The following CEP164 variants were observed in gnomAD, a reference collection of about 807,000 sequenced individuals.
CEP164 encodes centrosomal protein 164, also known as centrosomal protein of 164 kDa.
CEP164 carries 162 observed loss-of-function variants against 182.7 expected under a neutral mutation model. The ratio of observed to expected loss-of-function variants is 0.89; its 90% confidence interval spans 0.78 to 1.01. The LOEUF (loss-of-function observed/expected upper bound fraction) is 1.01, where lower values mean the gene tolerates loss of function less well. Ranked by LOEUF, CEP164 falls within the 50% of genes least tolerant of loss-of-function variation. The pLI, the probability that CEP164 is intolerant of heterozygous loss-of-function variation, is 0.00. For missense variants in CEP164, 1,735 were observed against 1,790.4 expected, an observed-to-expected ratio of 0.97 and a Z score of 0.56; for synonymous variants, 661 against 690.0, an observed-to-expected ratio of 0.96 and a Z score of 0.66.
Position 117,367,225 on chromosome 11 carries a change from A to G in CEP164, c.765+3719A>G, listed in dbSNP as rs1318783517. On this transcript the variant is annotated intron_variant, in intron 8 of 32. Transcript: ENST00000278935. ...TCATGGAGTTGGATGGCTTCTCCAG[A>G]CACTCAGCTCATGTACATCCATTTG... Among the ~76,000 whole-genome samples, 5 of 152,210 alleles carry G rather than the reference A, an allele frequency of 3.3e-5. No individual in the cohort carries two copies. The South Asian group carries it at 8.3e-4, about 25-fold the overall frequency.
chr11:117,403,307 C>T (rs1394970739), intron 27 of CEP164, among the ~76,000 whole-genome samples: 2 of 152,160 alleles, frequency 1.3e-5, no homozygotes, highest in Admixed American at 6.5e-5. Context: ...TGGCTGGTAG[C>T]GGTTGTTCCT....
At chr11:117,356,026 C>T in intron 5 of CEP164, 19 of 1,138,666 alleles carry the variant, frequency 1.7e-5, no homozygotes, top group Non-Finnish European at 2.1e-5. Context: ...GCAGCAACAG[C>T]AACCTGGCCT....
rs150785839 is a variant in CEP164 at position 117,392,267 on chromosome 11, G to A, written c.2325G>A (p.Glu775=). The change falls in exon 18 of 33, where the codon GAG becomes GAA. Residue 775 remains glutamate, a synonymous_variant. Transcript: ENST00000278935. ...AGAAGGAGCACAGTGCTGAGCTGGA[G>A]CGGCTCTGCTCCTCATTGGAGGCCA... is the stretch of plus-strand genomic sequence containing the variant. ...TLEKEHSAEL[E]RLCSSLEAKH... The A allele has an allele frequency of 6.2e-7, 1 of 1,611,868 alleles. No homozygotes were observed. Among genetic ancestry groups the A allele is most frequent in the African/African-American group, 1.3e-5 (1 of 74,932 alleles).
upstream of CEP164, among the ~76,000 whole-genome samples, chr11:117,325,545 C>T (rs2035398486): frequency 6.6e-6 from 1 of 152,096 alleles, no homozygotes; most frequent in African/African-American, 2.4e-5. Context: ...GCCACCACAA[C>T]CAGCTAACTT....
Position 117,411,773 on chromosome 11 carries a change from A to G in CEP164, c.4164-22A>G. 3.1e-6 allele frequency: 5 copies of G among 1,613,794 alleles called. No individual in the cohort carries two copies. Among genetic ancestry groups the G allele is most frequent in the East Asian group, 2.2e-5 (1 of 44,868 alleles). ...TCCGCGCCTCCTCTCTCCCCTCGCC[A>G]TGCTCTCCTCTTCCTTCCCAGTGAG... On this transcript the variant is annotated intron_variant, in intron 31 of 32. Coordinates refer to ENST00000278935, the MANE Select transcript of CEP164 (RefSeq NM_014956.5). This position sits in a 1 kb window ranked among gnomAD's most constrained non-coding sequence, Gnocchi z 4.4.
chr11:117,367,308 G>A (rs553731946), intron 8 of CEP164, among the ~76,000 whole-genome samples: 36 of 152,340 alleles, frequency 2.4e-4, no homozygotes, highest in Admixed American at 7.2e-4. Flanking sequence ...TTGAGGTGCT[G>A]TCCTGTGGTT....
At position 117,408,893 on chromosome 11, in the gene CEP164, T is replaced by G; in HGVS notation, c.3613T>G (p.Ser1205Ala). Residue 1205 changes from serine to alanine, a missense_variant, in exon 29 of 33, where the codon TCA becomes GCA. Transcript: ENST00000278935. ...AACTGCTGACTTTACCCCACAGGCC[T>G]CAGATGAGGGCACTCTGGGAGGATC... The part of the protein sequence containing the change: ...QLESSLWEEA[S>A]DEGTLGGSPT... 6.2e-7 allele frequency: 1 copy of G among 1,614,034 alleles called. No individual in the cohort carries two copies. The highest frequency in any genetic ancestry group is 8.5e-7 in the Non-Finnish European group (1 of 1,179,970).
intron 5 of CEP164, chr11:117,355,297 T>A: frequency 7.8e-7 from 1 of 1,289,720 alleles, no homozygotes; most frequent in Non-Finnish European, 1.0e-6. Context: ...GGTTTTCAGA[T>A]CCTGAAACAG....
intron 12 of CEP164, among the ~76,000 whole-genome samples, chr11:117,381,484 C>T (rs1411034414): frequency 2.0e-5 from 3 of 152,066 alleles, no homozygotes; most frequent in Non-Finnish European, 4.4e-5. Context: ...AGCCTGACTC[C>T]AGTCTAGGTA....
chr11:117,336,479 G>T, intron 2 of CEP164: 1 of 1,488,624 alleles, frequency 6.7e-7, no homozygotes, highest in Non-Finnish European at 9.3e-7. Context: ...AGGAAAGCTG[G>T]ATTGCCCTGG....
Position 117,412,846 on chromosome 11 carries a change from C to T in CEP164, c.*678C>T, listed in dbSNP as rs1179103986. On this transcript the variant is annotated 3_prime_UTR_variant, in exon 33 of 33. Transcript: ENST00000278935. ...TTCCTCAGGGGCTGTCCTCAGAACACCCCTCCTGCTCCCTGGGGCTCCTCA... is the reference window on the plus strand; with the variant it reads ...TTCCTCAGGGGCTGTCCTCAGAACATCCCTCCTGCTCCCTGGGGCTCCTCA... The T allele has an allele frequency of 1.3e-5, 2 of 152,558 alleles. No homozygotes were observed. The highest frequency in any genetic ancestry group is 4.1e-4 in the South Asian group (2 of 4,824). The allele number at this position is 152,558 out of a possible 1,614,324, so 9.5% of individuals were successfully genotyped here.
chr11:117,367,874 ATAGT>A (rs1427030279), intron 8 of CEP164, among the ~76,000 whole-genome samples: 3 of 152,204 alleles, frequency 2.0e-5, no homozygotes, highest in African/African-American at 7.2e-5. Context: ...ATCATCTTGA[ATAGT>A]TAATTAATAG....
chr11:117,392,113 C>A, intron 17 of CEP164, 113 bp from the exon 18 acceptor site: 1 of 818,922 alleles, frequency 1.2e-6, no homozygotes. Flanking sequence ...CTTCCCCATG[C>A]TTCCCTTGAC....
chr11:117,327,858 C>A lies in CEP164; in HGVS notation c.-144C>A, dbSNP rs2035556534. ...GTACCTTTTCCGGAAGTGTTTGTTG[C>A]GCGCTGCAGGGCAACACCCCGGCGT... On this transcript the variant is annotated 5_prime_UTR_variant, in exon 1 of 33. Transcript: ENST00000278935. The A allele has an allele frequency of 6.6e-6, 1 of 152,190 alleles. No homozygotes were observed. Among genetic ancestry groups the A allele is most frequent in the African/African-American group, 2.4e-5 (1 of 41,430 alleles). The allele number at this position is 152,190 out of a possible 1,614,324, so 9.4% of individuals were successfully genotyped here.
rs1209513667 is a variant in CEP164 at position 117,380,787 on chromosome 11, G to A, written c.1409+82G>A. ...GGCAGAATTCTTGGCTTTGGTGGCC[G>A]GCCTGGCTCAGTGTACAGTTGCTTG... On this transcript the variant is annotated intron_variant, in intron 12 of 32. Transcript: ENST00000278935. The A allele has an allele frequency of 1.4e-5, 19 of 1,337,042 alleles. No individual in the cohort carries two copies. In the African/African-American group the frequency reaches 1.5e-4, roughly 10 times the overall value. 82.8% of individuals were successfully genotyped at this position (1,337,042 alleles called of 1,614,324 possible). A position where few individuals can be genotyped will look rare whatever the true frequency, so the allele number is the denominator to read the frequency against.
intron 11 of CEP164, among the ~76,000 whole-genome samples, chr11:117,377,236 A>G (rs1302424944): frequency 3.3e-5 from 5 of 152,126 alleles, no homozygotes; most frequent in South Asian, 2.1e-4. Flanking sequence ...GGAGTGCGCA[A>G]CCTAGATCCC....
chr11:117,372,959 G>A (rs2042368393), intron 9 of CEP164, among the ~76,000 whole-genome samples: 1 of 152,178 alleles, frequency 6.6e-6, no homozygotes, highest in African/African-American at 2.4e-5. Context: ...GCAAGATCAG[G>A]TCAGTGACCA....
At chr11:117,323,696 A>G (rs774846020), upstream of CEP164, among the ~76,000 whole-genome samples, 2 of 152,124 alleles carry the variant, frequency 1.3e-5, no homozygotes, top group Non-Finnish European at 2.9e-5. Flanking sequence ...GATTGTACTA[A>G]TTTACAGTCC....
rs1592526552 is a variant in CEP164 at position 117,411,138 on chromosome 11, A to G, written c.4163+244A>G. The G allele has an allele frequency of 2.1e-6, 1 of 480,488 alleles. No individual in the cohort carries two copies. The highest frequency in any genetic ancestry group is 3.8e-6 in the Non-Finnish European group (1 of 262,972). 29.8% of individuals were successfully genotyped at this position (480,488 alleles called of 1,614,324 possible). ...GGGAAGGGCTGGGCTTACCCTGCCA[A>G]CCCCCTGAGGAAGCTGCCCTCTGGC... On this transcript the variant is annotated intron_variant, in intron 31 of 32. Transcript: ENST00000278935. The surrounding 1 kb of genome is among the most constrained non-coding windows in gnomAD (Gnocchi z 4.4).
Sources: allele counts gnomAD v4.1 joint callset (sites outside exome capture counted in the v4.1 genomes callset), GRCh38; gene constraint gnomAD v4.1.1; non-coding constraint Gnocchi (gnomAD v3.1); transcripts MANE v1.5; gene names NCBI Gene and HGNC (gene_info 2026-07-23, HGNC 2026-07-21).